The following WDR49 variants were observed in gnomAD, a reference collection of about 807,000 sequenced individuals.
WDR49 encodes cilia- and flagella-associated protein 337.
In WDR49, 107 loss-of-function variants were observed where a neutral mutation model predicts 119.5. The observed-to-expected ratio is 0.90, with a 90% CI of 0.77 to 1.05. The LOEUF (loss-of-function observed/expected upper bound fraction) is 1.05. Ranked by LOEUF, WDR49 falls within the 50% of genes least tolerant of loss-of-function variation. WDR49 has a pLI of 0.00. For synonymous variants in WDR49, 425 were observed against 418.8 expected, an observed-to-expected ratio of 1.01 and a Z score of -0.18; for missense variants, 1,240 against 1,220.5, an observed-to-expected ratio of 1.02 and a Z score of -0.24.
intron 16 of WDR49, among the ~76,000 whole-genome samples, chr3:167,516,354 G>T (rs1560262355): frequency 6.6e-6 from 1 of 150,434 alleles, no homozygotes; most frequent in Non-Finnish European, 1.5e-5. Context: ...GTGGTGTTTG[G>T]TTTTTTGTCC....
chr3:167,500,023 C>T (rs1293922715), intron 18 of WDR49, 130 bp downstream of exon 18: 11 of 1,076,710 alleles, frequency 1.0e-5, no homozygotes, highest in Middle Eastern at 3.2e-4. Flanking sequence ...TCTTAACAGT[C>T]AAACCACACT....
chr3:167,548,951 T>G (rs1227715291), intron 10 of WDR49, among the ~76,000 whole-genome samples: 1 of 152,142 alleles, frequency 6.6e-6, no homozygotes, highest in Non-Finnish European at 1.5e-5. Flanking sequence ...TGTTTGGTTT[T>G]CCGTCCTTGC....
chr3:167,500,113 G>A, intron 18 of WDR49, 40 bp downstream of exon 18: 1 of 1,493,118 alleles, frequency 6.7e-7, no homozygotes, highest in Non-Finnish European at 8.8e-7. Flanking sequence ...TAAGTTTCCT[G>A]AAGAGGGATA....
At chr3:167,483,684 G>A (rs907451692) in intron 18 of WDR49, among the ~76,000 whole-genome samples, 4 of 152,028 alleles carry the variant, frequency 2.6e-5, no homozygotes, top group African/African-American at 4.8e-5. Context: ...AATTTTTAGA[G>A]TTAGGTCCTT....
chr3:167,510,106 C>T (rs754048660), intron 16 of WDR49, among the ~76,000 whole-genome samples: 25 of 152,200 alleles, frequency 1.6e-4, no homozygotes, highest in Non-Finnish European at 3.4e-4. Context: ...TATTTTTGGC[C>T]AGGCACAGCG....
intron 3 of WDR49, among the ~76,000 whole-genome samples, chr3:167,626,640 G>A (rs190949557): frequency 8.3e-4 from 126 of 152,072 alleles, no homozygotes; most frequent in Middle Eastern, 3.4e-3. Context: ...ATGAAGCATG[G>A]CCTCATTGAA....
chr3:167,644,222 C>T (rs1718014972), intron 2 of WDR49, among the ~76,000 whole-genome samples: 1 of 151,972 alleles, frequency 6.6e-6, no homozygotes, highest in South Asian at 2.1e-4. Flanking sequence ...ATTCAGCACT[C>T]TTAATTTCAG....
At chr3:167,581,615 A>G (rs527408180) in intron 7 of WDR49, among the ~76,000 whole-genome samples, 2 of 152,314 alleles carry the variant, frequency 1.3e-5, no homozygotes, top group South Asian at 4.1e-4. Flanking sequence ...GGACAGAATC[A>G]CTATTATTCA....
intron 7 of WDR49, among the ~76,000 whole-genome samples, chr3:167,596,445 C>T (rs1490543186): frequency 6.6e-6 from 1 of 151,168 alleles, no homozygotes; most frequent in Admixed American, 6.6e-5. Flanking sequence ...GCATTATTCA[C>T]AATAGCAAAG....
intron 18 of WDR49, among the ~76,000 whole-genome samples, chr3:167,490,771 TCAATTG>T (rs1751104288): frequency 6.6e-6 from 1 of 152,066 alleles, no homozygotes; most frequent in South Asian, 2.1e-4. Context: ...GCCCCTCTTT[TCAATTG>T]CAAGCCACTG....
At chr3:167,495,629 T>C (rs1168709257) in intron 18 of WDR49, among the ~76,000 whole-genome samples, 2 of 151,606 alleles carry the variant, frequency 1.3e-5, no homozygotes, top group African/African-American at 2.4e-5. Context: ...AAAACATAAT[T>C]TGAAAAAAGA....
intron 8 of WDR49, among the ~76,000 whole-genome samples, chr3:167,566,661 TAAG>T (rs1257718621): frequency 6.6e-6 from 1 of 152,108 alleles, no homozygotes; most frequent in East Asian, 1.9e-4. Context: ...CAAAAAAACT[TAAG>T]TACTCATATT....
chr3:167,578,754 A>T (rs1196127235), intron 7 of WDR49, among the ~76,000 whole-genome samples: 1 of 152,132 alleles, frequency 6.6e-6, no homozygotes, highest in Non-Finnish European at 1.5e-5. Flanking sequence ...ATTTCTTTAA[A>T]GCAGCCTATT....
At chr3:167,645,444 A>C (rs1270324058) in intron 2 of WDR49, among the ~76,000 whole-genome samples, 1 of 152,024 alleles carries the variant, frequency 6.6e-6, no homozygotes, top group Non-Finnish European at 1.5e-5. Flanking sequence ...TCCTGACCTC[A>C]AGTAGTTGTG....
At chr3:167,632,837 A>T (rs1025486402) in intron 2 of WDR49, among the ~76,000 whole-genome samples, 7 of 152,058 alleles carry the variant, frequency 4.6e-5, no homozygotes, top group Non-Finnish European at 8.8e-5. Context: ...GTAGTGAAGA[A>T]GGTGGAGCTC....
At chr3:167,518,129 A>T (rs1752291303) in intron 16 of WDR49, among the ~76,000 whole-genome samples, 2 of 151,804 alleles carry the variant, frequency 1.3e-5, no homozygotes, top group African/African-American at 4.8e-5. Context: ...AATCCAGTCT[A>T]TCATTGTTGG....
chr3:167,599,423 AG>A (rs993078625), intron 7 of WDR49, among the ~76,000 whole-genome samples: 3 of 152,066 alleles, frequency 2.0e-5, no homozygotes, highest in African/African-American at 7.2e-5. Flanking sequence ...TTAAGGATTA[AG>A]GCTCTTCAGT....
rs1577240144 is a variant in WDR49 at position 167,560,090 on chromosome 3, T to A, written c.1648A>T (p.Thr550Ser). ...ALDANETRLL[T>S]GSTDGTVKIW... ...TTTACAGTCCCATCTGTGCTGCCAG[T>A]CAAAAGCCGAGTCTCATTTGCATCA... Residue 550 changes from threonine (T) to serine (S), a missense_variant, in exon 9 of 19, where the codon ACT becomes TCT. Physicochemically the swap from Thr to Ser is moderately conservative, Grantham distance 58. Transcript: ENST00000682715. 6.2e-7 allele frequency: 1 copy of A among 1,614,186 alleles called. No homozygotes were observed. Among genetic ancestry groups the A allele is most frequent in the Non-Finnish European group, 8.5e-7 (1 of 1,180,022 alleles).
chr3:167,591,263 G>C (rs1021598995), intron 7 of WDR49, among the ~76,000 whole-genome samples: 1 of 152,074 alleles, frequency 6.6e-6, no homozygotes, highest in East Asian at 1.9e-4. Context: ...CTTGTGATTA[G>C]AGAAGATGCT....
Sources: gnomAD v4.1 joint callset for allele counts (sites outside exome capture counted in the v4.1 genomes callset) on GRCh38, gnomAD v4.1.1 for gene constraint, MANE v1.5 for transcripts, NCBI Gene and HGNC (gene_info 2026-07-23, HGNC 2026-07-21) for gene names.